Variants in MKX observed in about 807,000 individuals in gnomAD.
The protein encoded by MKX is mohawk homeobox, also known as homeobox protein Mohawk.
Under a neutral mutation model 36.0 loss-of-function variants are expected in MKX, and 13 were observed. The observed-to-expected ratio is 0.36, with a 90% CI of 0.24 to 0.57. The LOEUF is 0.57. Ranked by LOEUF, MKX falls within the 20% of genes least tolerant of loss-of-function variation. MKX has a pLI of 0.79. For synonymous variants in MKX, 176 were observed against 178.3 expected (o/e 0.99, Z 0.10); for missense variants, 458 against 456.4 (o/e 1.00, Z -0.03).
At chr10:27,687,454 G>A (rs752415760) in intron 5 of MKX, among the ~76,000 whole-genome samples, 6 of 152,158 alleles carry the variant, frequency 3.9e-5, no homozygotes, top group Non-Finnish European at 5.9e-5. Context: ...GCCTCGGGTC[G>A]ATGTGGGAAA....
intron 5 of MKX, 53 bp from the exon 6 acceptor site, chr10:27,675,607 CAT>C (rs543818425): frequency 1.3e-6 from 2 of 1,549,944 alleles, no homozygotes; most frequent in African/African-American, 2.7e-5. Flanking sequence ...TTTCTTTTCT[CAT>C]CTCAGGAGTT....
intron 4 of MKX, 130 bp from the exon 5 acceptor site, chr10:27,734,921 C>G: frequency 1.8e-6 from 1 of 569,394 alleles, no homozygotes; most frequent in African/African-American, 2.0e-5. Flanking sequence ...CTTTGATAGT[C>G]AAGATCAATT....
chr10:27,694,538 A>ATATATATG, intron 5 of MKX, among the ~76,000 whole-genome samples: 1 of 137,896 alleles, frequency 7.3e-6, no homozygotes, highest in African/African-American at 2.7e-5. Flanking sequence ...ATATATATAT[A>ATATATATG]TATATAAATT....
rs754961505 is a variant in MKX, at chr10:27,741,480, C to T, written c.213G>A (p.Val71=). The change falls in exon 3 of 7, where the codon GTG becomes GTA. Residue 71 remains valine (V), a synonymous_variant. Coordinates refer to ENST00000419761, the MANE Select transcript of MKX (RefSeq NM_173576.3). This position sits in a 1 kb window ranked among gnomAD's most constrained non-coding sequence, Gnocchi z 5.1. The stretch of plus-strand genomic sequence containing the variant: ...CTTGCAGGGCCTGCCGCTTGTGCCT[C>T]ACCTTCCCGCCATTCTGCCGGGCGC... ...RTGARQNGGK[V]RHKRQALQDM... 1.0e-4 allele frequency: 167 copies of T among 1,597,910 alleles called. No homozygotes were observed. Among genetic ancestry groups the T allele is most frequent in the Non-Finnish European group, 1.4e-4 (163 of 1,173,420 alleles).
chr10:27,708,715 G>A (rs1237431092), intron 5 of MKX, among the ~76,000 whole-genome samples: 11 of 142,498 alleles, frequency 7.7e-5, no homozygotes, highest in East Asian at 2.4e-4. Flanking sequence ...GTGACAGAGC[G>A]AGACTTCTTT....
intron 5 of MKX, among the ~76,000 whole-genome samples, chr10:27,692,321 C>T (rs759258759): frequency 2.0e-5 from 3 of 152,110 alleles, no homozygotes; most frequent in Non-Finnish European, 2.9e-5. Context: ...CCAGTTCTTA[C>T]AATTTTTGCT....
Position 27,675,156 on chromosome 10 carries a change from C to T in MKX, c.*73G>A. 7.0e-7 allele frequency: 1 copy of T among 1,432,660 alleles called. No homozygotes were observed. 88.7% of individuals were successfully genotyped at this position (1,432,660 alleles called of 1,614,324 possible). On this transcript the variant is annotated 3_prime_UTR_variant, in exon 7 of 7. Coordinates refer to ENST00000419761, the MANE Select transcript of MKX (RefSeq NM_173576.3). ...TGGGAGAGAGTCATTTTCATCCCTG[C>T]TTCGGCTCTTAGGATGAGGGTTGAT... is the stretch of plus-strand genomic sequence containing the variant.
rs1048150612 is a variant in MKX at position 27,698,063 on chromosome 10, T to C, written c.839-22509A>G. 2.0e-5 allele frequency among the ~76,000 whole-genome samples: 3 copies of C among 152,216 alleles called. 1 individual carries two copies. The highest frequency in any genetic ancestry group is 2.0e-4 in the Admixed American group (3 of 15,290). ...AACAGGAGTTACTGAGATGAACAGATGGAGAGAAGCAGCCCAAGGAGAGGG... is the reference window on the plus strand; with the variant it reads ...AACAGGAGTTACTGAGATGAACAGACGGAGAGAAGCAGCCCAAGGAGAGGG... On this transcript the variant is annotated intron_variant, in intron 5 of 6. Coordinates refer to ENST00000419761, the MANE Select transcript of MKX (RefSeq NM_173576.3).
At chr10:27,721,819 G>A (rs1168903568) in intron 5 of MKX, among the ~76,000 whole-genome samples, 2 of 152,112 alleles carry the variant, frequency 1.3e-5, no homozygotes, top group East Asian at 3.9e-4. Context: ...ATTAATATAT[G>A]TTTAAGTTTG....
intron 5 of MKX, among the ~76,000 whole-genome samples, chr10:27,687,984 G>T (rs1290953347): frequency 6.6e-6 from 1 of 152,202 alleles, no homozygotes; most frequent in Non-Finnish European, 1.5e-5. Context: ...AGCATGAGCT[G>T]CACCTCTGCT....
chr10:27,695,171 C>T (rs931825571), intron 5 of MKX, among the ~76,000 whole-genome samples: 1 of 152,120 alleles, frequency 6.6e-6, no homozygotes, highest in Non-Finnish European at 1.5e-5. Flanking sequence ...CAGTTAATGG[C>T]CAGCAGTAGC....
chr10:27,701,368 TTATATATA>T (rs60262269), intron 5 of MKX, among the ~76,000 whole-genome samples: 17 of 145,128 alleles, frequency 1.2e-4, no homozygotes, highest in East Asian at 2.0e-4. Context: ...AAAGATGATT[TTATATATA>T]TATATATATA....
rs538982333 is a variant in MKX at position 27,673,293 on chromosome 10, T to C, written c.*1936A>G. 6.6e-6 allele frequency: 1 copy of C among 152,484 alleles called. No individual in the cohort carries two copies. The allele number at this position is 152,484 out of a possible 1,614,324, so 9.4% of individuals were successfully genotyped here. On this transcript the variant is annotated 3_prime_UTR_variant, in exon 7 of 7. Coordinates refer to ENST00000419761, the MANE Select transcript of MKX (RefSeq NM_173576.3). Reference sequence around the variant, plus strand: ...AAATTTGCTGATTTTTTTAAAAAGATGGCAAACATGAATCATGACTCATTC... The same window carrying C: ...AAATTTGCTGATTTTTTTAAAAAGACGGCAAACATGAATCATGACTCATTC...
chr10:27,722,746 A>G (rs1055753774), intron 5 of MKX, among the ~76,000 whole-genome samples: 5 of 152,146 alleles, frequency 3.3e-5, no homozygotes, highest in African/African-American at 1.2e-4. Flanking sequence ...CTTTACTATA[A>G]TCAAAATATA....
chr10:27,712,568 A>C lies in MKX; in HGVS notation c.838+21888T>G, dbSNP rs576410658. On this transcript the variant is annotated intron_variant, in intron 5 of 6. Coordinates refer to ENST00000419761, the MANE Select transcript of MKX (RefSeq NM_173576.3). The stretch of plus-strand genomic sequence containing the variant: ...GTGCTGTGAGGCTGGAGACCCTGGG[A>C]GGTGAAGCAGGCAAGGAAGAGTCCC... Among the ~76,000 whole-genome samples the C allele has an allele frequency of 2.0e-5, 3 of 152,266 alleles. No homozygotes were observed. The East Asian group carries it at 5.8e-4, about 29-fold the overall frequency.
At chr10:27,736,685 A>G (rs1834786245) in intron 3 of MKX, among the ~76,000 whole-genome samples, 1 of 151,542 alleles carries the variant, frequency 6.6e-6, no homozygotes, top group Non-Finnish European at 1.5e-5. Flanking sequence ...TTTTTTGTGC[A>G]TTACTCAAGT....
At chr10:27,683,196 G>C (rs776113378) in intron 5 of MKX, among the ~76,000 whole-genome samples, 1 of 152,142 alleles carries the variant, frequency 6.6e-6, no homozygotes, top group East Asian at 1.9e-4. Context: ...CTACCGGTCC[G>C]TGGCCCGGGG....
At chr10:27,708,125 G>A (rs1012083443) in intron 5 of MKX, among the ~76,000 whole-genome samples, 4 of 152,136 alleles carry the variant, frequency 2.6e-5, no homozygotes, top group Non-Finnish European at 4.4e-5. Flanking sequence ...AAAAAACTAA[G>A]AAATCCTTCC....
At chr10:27,708,875 A>G (rs958873391) in intron 5 of MKX, among the ~76,000 whole-genome samples, 5 of 152,156 alleles carry the variant, frequency 3.3e-5, no homozygotes, top group Non-Finnish European at 7.4e-5. Context: ...AACAATAAAA[A>G]GCAGCAATAC....
Sources: gnomAD v4.1 joint callset for allele counts (sites outside exome capture counted in the v4.1 genomes callset) on GRCh38, gnomAD v4.1.1 for gene constraint, Gnocchi (gnomAD v3.1) non-coding constraint, MANE v1.5 for transcripts, NCBI Gene and HGNC (gene_info 2026-07-23, HGNC 2026-07-21) for gene names.